ARL10: variants seen among roughly 807,000 people sequenced by gnomAD.
ARL10 encodes ADP-ribosylation factor-like protein 10.
Under a neutral mutation model 26.1 loss-of-function variants are expected in ARL10, and 23 were observed. That is an observed-to-expected ratio of 0.88 (90% CI 0.63 to 1.25). ARL10 has a LOEUF of 1.25. ARL10 is among the 50% of genes most tolerant of loss of function. The pLI is 0.00. For synonymous variants in ARL10, 138 were observed against 149.1 expected (o/e 0.93, Z 0.54); for missense variants, 300 against 323.6 (o/e 0.93, Z 0.56).
At chr5:176,387,664 T>C (rs563728851) in intron 1 of ARL10, among the ~76,000 whole-genome samples, 2 of 152,350 alleles carry the variant, frequency 1.3e-5, no homozygotes, top group African/African-American at 2.4e-5. Context: ...CTTTTAATAG[T>C]TGTTGAAGCC....
chr5:176,383,551 C>A (rs1432230141), downstream of ARL10, among the ~76,000 whole-genome samples: 1 of 152,216 alleles, frequency 6.6e-6, no homozygotes, highest in African/African-American at 2.4e-5. Context: ...CAGACCGAGG[C>A]CAACATAAGC....
At chr5:176,383,900 C>T, downstream of ARL10, 6 of 1,403,942 alleles carry the variant, frequency 4.3e-6, no homozygotes, top group Non-Finnish European at 5.6e-6. Context: ...CCGGGGCAGC[C>T]CCAGGGTTTG....
rs1482924251 is a variant in ARL10, at chr5:176,381,751, C to A, written c.*9856C>A. ...AGAGGCAGCTTTAGGCCAAACTTAA[C>A]AAAGGTCACCTTTGGAACCAGCACT... On this transcript the variant is annotated 3_prime_UTR_variant, in exon 4 of 4. Coordinates refer to ENST00000310389, the MANE Select transcript of ARL10 (RefSeq NM_173664.6). 1 of 152,220 alleles carries A rather than the reference C, an allele frequency of 6.6e-6. No homozygotes were observed. The highest frequency in any genetic ancestry group is 1.5e-5 in the Non-Finnish European group (1 of 68,040). The allele number at this position is 152,220 out of a possible 1,614,324, so 9.4% of individuals were successfully genotyped here.
intron 3 of ARL10, chr5:176,369,305 T>A: frequency 1.0e-6 from 1 of 974,672 alleles, no homozygotes; most frequent in Non-Finnish European, 1.4e-6. Flanking sequence ...TGATCTCGGC[T>A]CACTGCAACC....
In ARL10 at chr5:176,369,099, C is replaced by T. The variant is rs183890213; in HGVS notation, c.561+117C>T. ...GGAGAGGGTGGCTGAGATGCTGCCC[C>T]CACCTCTTCTACCTATGCCCTGTCC... is the stretch of plus-strand genomic sequence containing the variant. On this transcript the variant is annotated intron_variant, in intron 3 of 3. Coordinates refer to ENST00000310389, the MANE Select transcript of ARL10 (RefSeq NM_173664.6). 284 of 1,538,788 alleles carry T rather than the reference C, an allele frequency of 1.8e-4. 1 individual carries two copies. The African/African-American group carries it at 3.4e-3, about 19-fold the overall frequency.
chr5:176,365,973 C>T (rs1768280593), intron 1 of ARL10, among the ~76,000 whole-genome samples: 1 of 152,182 alleles, frequency 6.6e-6, no homozygotes, highest in Admixed American at 6.5e-5. Context: ...GGCGCCACGC[C>T]GTCGCTCCAC....
intron 1 of ARL10, among the ~76,000 whole-genome samples, chr5:176,394,502 T>C (rs890222308): frequency 1.3e-5 from 2 of 151,686 alleles, no homozygotes; most frequent in Non-Finnish European, 2.9e-5. Context: ...TGAAACCCCA[T>C]CTCTACTAAA....
exon 2 of ARL10, chr5:176,388,328 A>G (rs1384049226): frequency 2.5e-6 from 4 of 1,614,048 alleles, no homozygotes; most frequent in Non-Finnish European, 3.4e-6. Context: ...GGTCCCAGGC[A>G]TGTCGGATGT....
chr5:176,371,229 G>A (rs1768520608), intron 3 of ARL10, among the ~76,000 whole-genome samples: 1 of 152,124 alleles, frequency 6.6e-6, no homozygotes. Flanking sequence ...ACAAAAATTA[G>A]CCAGGCGTGG....
intron 1 of ARL10, among the ~76,000 whole-genome samples, chr5:176,387,173 C>CG (rs1561783750): frequency 6.6e-6 from 1 of 152,040 alleles, no homozygotes; most frequent in African/African-American, 2.4e-5. Flanking sequence ...AACCTCCCCC[C>CG]GGGTTCAAGT....
At chr5:176,390,144 T>G (rs574851189), downstream of ARL10, among the ~76,000 whole-genome samples, 1 of 135,168 alleles carries the variant, frequency 7.4e-6, no homozygotes, top group South Asian at 2.4e-4. Context: ...ATCGCGCCAT[T>G]GCACTTCAGC....
At chr5:176,388,945 G>C (rs1004551807), downstream of ARL10, 1 of 1,614,198 alleles carries the variant, frequency 6.2e-7, no homozygotes, top group Non-Finnish European at 8.5e-7. Flanking sequence ...TCGTTCGCAA[G>C]ACCCGCGAGA....
intron 1 of ARL10, chr5:176,401,683 C>T (rs1465942559): frequency 2.2e-6 from 1 of 455,494 alleles, no homozygotes; most frequent in Admixed American, 2.4e-5. Flanking sequence ...ACTCGCTCGC[C>T]TTGTGTTGCA....
chr5:176,388,637 G>A (rs1756097289), exon 2 of ARL10: 1 of 1,359,444 alleles, frequency 7.4e-7, no homozygotes, highest in Non-Finnish European at 1.0e-6. Flanking sequence ...AGGCTTTGCG[G>A]GCATTTGGGG....
downstream of ARL10, chr5:176,389,543 C>T: frequency 6.4e-7 from 1 of 1,567,256 alleles, no homozygotes; most frequent in South Asian, 1.2e-5. Flanking sequence ...ATTCCAAAAC[C>T]CAGGGAGCAA....
rs560277185 is a variant in ARL10 at position 176,375,688 on chromosome 5, A to G, written c.*3793A>G. On this transcript the variant is annotated 3_prime_UTR_variant, in exon 4 of 4. Coordinates refer to ENST00000310389, the MANE Select transcript of ARL10 (RefSeq NM_173664.6). ...TAATATGTACCCTCTGAAGCTGGAA[A>G]GTGGGGGCCACCTGGTAGCATTTGA... 6.6e-6 allele frequency: 1 copy of G among 152,318 alleles called. No individual in the cohort carries two copies. Among genetic ancestry groups the G allele is most frequent in the South Asian group, 2.1e-4 (1 of 4,824 alleles). 9.4% of individuals were successfully genotyped at this position (152,318 alleles called of 1,614,324 possible).
chr5:176,406,376 C>A, downstream of ARL10: 1 of 1,131,718 alleles, frequency 8.8e-7, no homozygotes, highest in Non-Finnish European at 1.1e-6. Flanking sequence ...GCTGGGCCCA[C>A]CCATGAGAAC....
downstream of ARL10, among the ~76,000 whole-genome samples, chr5:176,382,912 G>A (rs577515765): frequency 1.3e-5 from 2 of 152,194 alleles, no homozygotes; most frequent in Non-Finnish European, 2.9e-5. Flanking sequence ...ATAAGATGGG[G>A]CCAAATAGGC....
intron 1 of ARL10, chr5:176,387,073 TC>T (rs1755908665): frequency 6.8e-6 from 4 of 590,810 alleles, no homozygotes; most frequent in Non-Finnish European, 1.2e-5. Context: ...TTTCTCTCTC[TC>T]TCTCTTTTTT....
Sources: gnomAD v4.1 joint callset for allele counts (sites outside exome capture counted in the v4.1 genomes callset) on GRCh38, gnomAD v4.1.1 for gene constraint, MANE v1.5 for transcripts, NCBI Gene and HGNC (gene_info 2026-07-23, HGNC 2026-07-21) for gene names.